CDYL: variants seen among roughly 807,000 people sequenced by gnomAD.
CDYL encodes the protein chromodomain Y like, also known as chromodomain Y-like protein.
In CDYL, 8 loss-of-function variants were observed where a neutral mutation model predicts 47.3. The observed-to-expected ratio is 0.17, with a 90% CI of 0.10 to 0.31. The LOEUF (loss-of-function observed/expected upper bound fraction) is 0.31, where lower values mean the gene tolerates loss of function less well. Ranked by LOEUF, CDYL falls within the 10% of genes least tolerant of loss-of-function variation. The probability of loss-of-function intolerance (pLI) is 1.00; values close to 1 mark genes in which losing one functional copy is unlikely to be tolerated. For synonymous variants in CDYL, 266 were observed against 265.0 expected (o/e 1.00, Z -0.04); for missense variants, 471 against 701.4 (o/e 0.67, Z 3.71).
At chr6:4,796,233 C>T (rs1168652610) in intron 1 of CDYL, among the ~76,000 whole-genome samples, 6 of 152,032 alleles carry the variant, frequency 3.9e-5, no homozygotes, top group Non-Finnish European at 7.4e-5. Flanking sequence ...GCGCCTGGCC[C>T]ACTTATTTTT....
At chr6:4,863,343 C>T (rs545419957) in intron 1 of CDYL, among the ~76,000 whole-genome samples, 12 of 152,260 alleles carry the variant, frequency 7.9e-5, no homozygotes, top group Admixed American at 3.3e-4. Context: ...ATGTAGTCCC[C>T]GAATCCAAAA....
At chr6:4,726,699 C>CAA (rs535946910) in intron 2 of CDYL, among the ~76,000 whole-genome samples, 21 of 124,726 alleles carry the variant, frequency 1.7e-4, no homozygotes, top group African/African-American at 2.3e-4. Context: ...AGACCTGTCT[C>CAA]AAAAAAAAAA....
intron 3 of CDYL, among the ~76,000 whole-genome samples, chr6:4,750,734 T>C (rs1322141711): frequency 1.3e-5 from 2 of 152,062 alleles, no homozygotes; most frequent in African/African-American, 4.8e-5. Flanking sequence ...ATTCTGTACA[T>C]ACTGTAAGTA....
rs1757432559 is a variant in CDYL, at chr6:4,724,073, C to CT, written c.103+8193dup. Among the ~76,000 whole-genome samples, 2 of 152,188 alleles carry CT rather than the reference C, an allele frequency of 1.3e-5. 1 individual carries two copies. The highest frequency in any genetic ancestry group is 4.1e-4 in the South Asian group (2 of 4,832). On this transcript the variant is annotated intron_variant, in intron 2 of 8. Transcript: ENST00000328908. ...TGTGCGCGTTTGAGAGAGTCTTGCT[C>CT]TGACACCCAGGCTCTGGAGTGCAGG...
At chr6:4,732,718 A>C (rs899637663) in intron 2 of CDYL, among the ~76,000 whole-genome samples, 1 of 151,960 alleles carries the variant, frequency 6.6e-6, no homozygotes, top group Non-Finnish European at 1.5e-5. Flanking sequence ...TTCAATTTTG[A>C]GGGGAAAAAA....
intron 2 of CDYL, among the ~76,000 whole-genome samples, chr6:4,920,250 G>T (rs749458160): frequency 1.1e-4 from 17 of 152,204 alleles, no homozygotes; most frequent in Non-Finnish European, 2.4e-4. Context: ...GCATGGTGGT[G>T]ATGGTTGCAC....
intron 1 of CDYL, among the ~76,000 whole-genome samples, chr6:4,709,778 C>T (rs182439299): frequency 6.6e-6 from 1 of 152,182 alleles, no homozygotes; most frequent in South Asian, 2.1e-4. Flanking sequence ...GAAGACAGGA[C>T]AAAGGTCTTA....
chr6:4,860,442 G>A (rs1017146060), intron 1 of CDYL, among the ~76,000 whole-genome samples: 1 of 150,610 alleles, frequency 6.6e-6, no homozygotes, highest in African/African-American at 2.4e-5. Context: ...CTCCAGTTGG[G>A]GAGCTTGTTA....
At chr6:4,708,574 T>C (rs1242997247) in intron 1 of CDYL, among the ~76,000 whole-genome samples, 1 of 152,256 alleles carries the variant, frequency 6.6e-6, no homozygotes, top group Non-Finnish European at 1.5e-5. Context: ...ATTGTATTGG[T>C]AGGTGTTATA....
Position 4,819,116 on chromosome 6 carries a change from T to TTCTCTCTCTCTCTCTC in CDYL, c.24+42341_24+42356dup, listed in dbSNP as rs373718294. ...CTGGCTCTTTTTCTTTTTAGGTTCG[T>TTCTCTCTCTCTCTCTC]TCTCTCTCTCTCTCTCTCTCTCTCT... On this transcript the variant is annotated intron_variant, in intron 1 of 6. Transcript: ENST00000397588. 2.7e-3 allele frequency among the ~76,000 whole-genome samples: 208 copies of TTCTCTCTCTCTCTCTC among 76,672 alleles called. 1 individual carries two copies. Among genetic ancestry groups the TTCTCTCTCTCTCTCTC allele is most frequent in the South Asian group, 4.4e-3 (8 of 1,828 alleles). The allele number at this position is 76,672 out of a possible 152,430, so 50.3% of individuals were successfully genotyped here.
intron 2 of CDYL, chr6:4,928,593 A>G (rs565311935): frequency 6.6e-6 from 1 of 152,144 alleles, no homozygotes; most frequent in South Asian, 2.1e-4. Context: ...GCTCTGTGGC[A>G]TTTGTGTCTA....
chr6:4,923,982 G>A (rs1037358202), intron 2 of CDYL, among the ~76,000 whole-genome samples: 1 of 151,320 alleles, frequency 6.6e-6, no homozygotes, highest in Non-Finnish European at 1.5e-5. Flanking sequence ...TGGCAATCCC[G>A]TTGCAGAGTC....
At chr6:4,911,394 T>G (rs1353502926) in intron 2 of CDYL, among the ~76,000 whole-genome samples, 2 of 152,224 alleles carry the variant, frequency 1.3e-5, no homozygotes, top group Non-Finnish European at 1.5e-5. Context: ...GCACAGTAGT[T>G]GCTCCGTAGA....
At chr6:4,945,567 C>T (rs528165977) in intron 5 of CDYL, among the ~76,000 whole-genome samples, 12 of 152,368 alleles carry the variant, frequency 7.9e-5, no homozygotes, top group Non-Finnish European at 1.6e-4. Flanking sequence ...AGTTGCTGCA[C>T]TTGTCCACTT....
chr6:4,844,563 T>C (rs79411610), intron 1 of CDYL, among the ~76,000 whole-genome samples: 3,513 of 152,304 alleles, frequency 0.023, 143 homozygotes, highest in African/African-American at 0.08. Flanking sequence ...GTCCTGCCTT[T>C]CTGTCTGCCA....
In CDYL at chr6:4,952,752, G is replaced by A. The variant is rs1758746950; in HGVS notation, c.1476+343G>A. Among the ~76,000 whole-genome samples, 3 of 152,042 alleles carry A rather than the reference G, an allele frequency of 2.0e-5. 1 individual carries two copies. The South Asian group carries it at 6.2e-4, about 32-fold the overall frequency. On this transcript the variant is annotated intron_variant, in intron 6 of 6. Coordinates refer to ENST00000397588, the MANE Select transcript of CDYL (RefSeq NM_004824.4). ...AGCTTCTCCCCTGTTTCCCCACAGTGGGCCTAAGTTGTTTTTGGGTTGTTG... is the reference window on the plus strand; with the variant it reads ...AGCTTCTCCCCTGTTTCCCCACAGTAGGCCTAAGTTGTTTTTGGGTTGTTG...
chr6:4,747,723 A>G (rs1354807987), intron 3 of CDYL, among the ~76,000 whole-genome samples: 1 of 152,216 alleles, frequency 6.6e-6, no homozygotes, highest in Non-Finnish European at 1.5e-5. Context: ...TCACCAGTGC[A>G]AGGCCCTTGA....
rs987990086 is a variant in CDYL, at chr6:4,767,271, A to C, written c.186+32427A>C. ...TATTCATTCATGATAAAAAAAAAAA[A>C]AGTTTAGAAAACTAGGATGGAGACT... On this transcript the variant is annotated intron_variant, in intron 3 of 8. Transcript: ENST00000328908. 1.1e-4 allele frequency among the ~76,000 whole-genome samples: 16 copies of C among 147,814 alleles called. No homozygotes were observed. In the East Asian group the frequency reaches 1.6e-3, roughly 15 times the overall value.
chr6:4,795,743 T>G (rs960255962), intron 1 of CDYL, among the ~76,000 whole-genome samples: 1 of 152,064 alleles, frequency 6.6e-6, no homozygotes, highest in Non-Finnish European at 1.5e-5. Flanking sequence ...TTGTCTCGGT[T>G]CTTTCTGTTG....
Sources: gnomAD v4.1 joint callset for allele counts (sites outside exome capture counted in the v4.1 genomes callset) on GRCh38, gnomAD v4.1.1 for gene constraint, MANE v1.5 for transcripts, NCBI Gene and HGNC (gene_info 2026-07-23, HGNC 2026-07-21) for gene names.